NPAS1: variants seen among roughly 807,000 people sequenced by gnomAD.
NPAS1 encodes neuronal PAS domain-containing protein 1.
NPAS1 carries 29 observed loss-of-function variants against 49.2 expected under a neutral mutation model. That is an observed-to-expected ratio of 0.59 (90% CI 0.44 to 0.80). NPAS1 has a LOEUF of 0.80. Among genes scored for constraint, NPAS1 ranks in the 30% least tolerant of loss-of-function variants. The probability of loss-of-function intolerance (pLI) is 0.00; values close to 1 mark genes in which losing one functional copy is unlikely to be tolerated. For missense variants in NPAS1, 825 were observed against 835.5 expected, an observed-to-expected ratio of 0.99 and a Z score of 0.15; for synonymous variants, 408 against 380.4, an observed-to-expected ratio of 1.07 and a Z score of -0.84.
chr19:47,036,088 C>T lies in NPAS1; in HGVS notation c.647C>T (p.Ser216Phe), dbSNP rs748955465. 6.3e-7 allele frequency: 1 copy of T among 1,585,356 alleles called. No individual in the cohort carries two copies. Among genetic ancestry groups the T allele is most frequent in the South Asian group, 1.1e-5 (1 of 87,214 alleles). Reference protein sequence around the residue: ...GPPTPPSVSSSSSSSSSLADT... With the variant: ...GPPTPPSVSSFSSSSSSLADT... Reference sequence around the variant, plus strand: ...CCAACCCCGCCCTCCGTCTCCTCTTCCTCCTCCTCTTCCTCTTCGCTTGCA... The same window carrying T: ...CCAACCCCGCCCTCCGTCTCCTCTTTCTCCTCCTCTTCCTCTTCGCTTGCA... The change falls in exon 6 of 12, where the codon TCC becomes TTC. Residue 216 changes from serine (S) to phenylalanine (F), a missense_variant. Physicochemically the swap from Ser to Phe is radical, Grantham distance 155. Transcript: ENST00000602212.
intron 10 of NPAS1, among the ~76,000 whole-genome samples, chr19:47,041,435 G>A (rs79366257): frequency 0.019 from 2,853 of 151,856 alleles, 78 homozygotes; most frequent in African/African-American, 0.061. Context: ...GGCGAGCCAC[G>A]GCAGGCTCTT....
intron 3 of NPAS1, among the ~76,000 whole-genome samples, chr19:47,024,389 G>A (rs535162371): frequency 2.0e-5 from 3 of 152,096 alleles, no homozygotes; most frequent in Non-Finnish European, 2.9e-5. Context: ...GGTGGCTCAC[G>A]CCTGTAATCT....
At chr19:47,039,304 C>T (rs2056993466) in intron 7 of NPAS1, 103 bp from the exon 8 acceptor site, 1 of 1,530,106 alleles carries the variant, frequency 6.5e-7, no homozygotes, top group African/African-American at 1.4e-5. Context: ...AGTGTCCAGT[C>T]CTCCAGCACC....
chr19:47,040,184 A>T (rs2057003328), intron 8 of NPAS1, among the ~76,000 whole-genome samples: 1 of 152,022 alleles, frequency 6.6e-6, no homozygotes, highest in African/African-American at 2.4e-5. Context: ...CACCACAACC[A>T]GCTAATTTTT....
chr19:47,045,404 G>C lies in NPAS1; in HGVS notation c.1526G>C (p.Arg509Pro), dbSNP rs535071978. The C allele has an allele frequency of 6.2e-7, 1 of 1,611,156 alleles. No homozygotes were observed. The highest frequency in any genetic ancestry group is 1.7e-5 in the Admixed American group (1 of 59,536). ...GGGGTCCTGAAGCAGGATCCGGTGCGGCCATGGGGCCTGGCGCCTCCCGGG... is the reference window on the plus strand; with the variant it reads ...GGGGTCCTGAAGCAGGATCCGGTGCCGCCATGGGGCCTGGCGCCTCCCGGG... Reference protein sequence around the residue: ...RAGVLKQDPVRPWGLAPPGDP... With the variant: ...RAGVLKQDPVPPWGLAPPGDP... Residue 509 changes from arginine (R) to proline (P), a missense_variant, in exon 12 of 12, where the codon CGG becomes CCG. Transcript: ENST00000602212.
At chr19:47,026,765 A>G (rs2056873387) in intron 3 of NPAS1, among the ~76,000 whole-genome samples, 1 of 151,966 alleles carries the variant, frequency 6.6e-6, no homozygotes, top group Admixed American at 6.6e-5. Context: ...GACAAGCCTG[A>G]CCAATATGGT....
At chr19:47,043,271 T>C (rs534180190) in intron 11 of NPAS1, among the ~76,000 whole-genome samples, 2 of 7,854 alleles carry the variant, frequency 2.5e-4, no homozygotes, top group East Asian at 9.8e-3. Flanking sequence ...AGAGCGAGAC[T>C]CTGTCTCAAA....
intron 8 of NPAS1, 48 bp downstream of exon 8, chr19:47,039,612 A>G: frequency 6.6e-7 from 1 of 1,518,292 alleles, no homozygotes; most frequent in Non-Finnish European, 8.9e-7. Flanking sequence ...CACAATGGAG[A>G]TCTGGGGGTA....
intron 10 of NPAS1, among the ~76,000 whole-genome samples, chr19:47,042,358 C>T (rs540260435): frequency 6.6e-6 from 1 of 152,280 alleles, no homozygotes; most frequent in East Asian, 1.9e-4. Flanking sequence ...ATGAAGGAGG[C>T]ACTGAGGGAC....
At position 47,021,569 on chromosome 19, in the gene NPAS1, G is replaced by GC; in HGVS notation, c.123-39dup. The GC allele has an allele frequency of 7.4e-7, 1 of 1,351,072 alleles. No homozygotes were observed. Among genetic ancestry groups the GC allele is most frequent in the African/African-American group, 1.5e-5 (1 of 65,024 alleles). 83.7% of individuals were successfully genotyped at this position (1,351,072 alleles called of 1,614,324 possible). On this transcript the variant is annotated intron_variant, in intron 2 of 11. Transcript: ENST00000602212. The surrounding 1 kb of genome is among the most constrained non-coding windows in gnomAD (Gnocchi z 5.7). ...TCGCCCCCAGTTCCCAAGCCCCTGA[G>GC]CCCCGGGGCCCCGCCGACACCTCCT...
At position 47,020,137 on chromosome 19, in the gene NPAS1, G is replaced by A. The variant is rs903841585; in HGVS notation, c.-43+140G>A. On this transcript the variant is annotated intron_variant, in intron 1 of 11. Coordinates refer to ENST00000602212, the MANE Select transcript of NPAS1 (RefSeq NM_002517.4). Reference sequence around the variant, plus strand: ...GGGGAAGGGGCGCACGGATGTTTGAGTCCTGGAGAAATCTGGGGTTGGGAG... The same window carrying A: ...GGGGAAGGGGCGCACGGATGTTTGAATCCTGGAGAAATCTGGGGTTGGGAG... 13 of 335,572 alleles carry A rather than the reference G, an allele frequency of 3.9e-5. No individual in the cohort carries two copies. In the South Asian group the frequency reaches 1.4e-3, roughly 36 times the overall value. The allele number at this position is 335,572 out of a possible 1,614,324, so 20.8% of individuals were successfully genotyped here. A position where few individuals can be genotyped will look rare whatever the true frequency, so the allele number is the denominator to read the frequency against.
intron 9 of NPAS1, 93 bp from the exon 10 acceptor site, chr19:47,040,871 CCACTCCCCTGCTCT>C: frequency 1.1e-6 from 1 of 934,006 alleles, no homozygotes; most frequent in Non-Finnish European, 1.6e-6. Context: ...GTCTCCCTGC[CCACTCCCCTGCTCT>C]CACTCCTCCT....
At chr19:47,034,619 G>A (rs1432017517) in intron 5 of NPAS1, among the ~76,000 whole-genome samples, 2 of 152,168 alleles carry the variant, frequency 1.3e-5, no homozygotes, top group African/African-American at 4.8e-5. Context: ...GCTCACGCCT[G>A]TAATCCCAGC....
intron 3 of NPAS1, among the ~76,000 whole-genome samples, chr19:47,029,364 G>A (rs914742442): frequency 6.6e-6 from 1 of 150,430 alleles, no homozygotes; most frequent in Non-Finnish European, 1.5e-5. Context: ...GATTATAGGC[G>A]TGAGCCACTG....
chr19:47,035,938 C>T (rs779314599), intron 5 of NPAS1, 26 bp from the exon 6 acceptor site: 3 of 1,496,136 alleles, frequency 2.0e-6, no homozygotes, highest in Admixed American at 4.8e-5. Flanking sequence ...TCACCCGCCC[C>T]CTGCATTCCC....
chr19:47,043,440 A>G (rs1054002651), intron 11 of NPAS1, among the ~76,000 whole-genome samples: 18 of 151,866 alleles, frequency 1.2e-4, no homozygotes, highest in African/African-American at 4.4e-4. Context: ...ATACAAAAAA[A>G]TTAGCTGGAC....
intron 5 of NPAS1, chr19:47,035,204 A>ATT (rs2056941933): frequency 6.5e-6 from 1 of 153,236 alleles, no homozygotes; most frequent in Non-Finnish European, 1.4e-5. Flanking sequence ...GAAGAAGAAG[A>ATT]AGAAGAAGAA....
intron 10 of NPAS1, among the ~76,000 whole-genome samples, chr19:47,041,613 CAG>C (rs1010350273): frequency 2.7e-4 from 41 of 152,212 alleles, no homozygotes; most frequent in African/African-American, 7.2e-4. Flanking sequence ...CCTTTTGGCT[CAG>C]GGGCACTGGG....
intron 1 of NPAS1, 123 bp from the exon 2 acceptor site, chr19:47,020,883 G>A (rs1334537289): frequency 2.2e-5 from 10 of 459,634 alleles, no homozygotes; most frequent in Non-Finnish European, 3.7e-5. Context: ...GGAAACTGAG[G>A]CATCATCCAG....
Sources: allele counts gnomAD v4.1 joint callset (sites outside exome capture counted in the v4.1 genomes callset), GRCh38; gene constraint gnomAD v4.1.1; non-coding constraint Gnocchi (gnomAD v3.1); transcripts MANE v1.5; gene names NCBI Gene and HGNC (gene_info 2026-07-23, HGNC 2026-07-21).